Variants in GATAD2A observed in about 807,000 individuals in gnomAD.
GATAD2A encodes the protein GATA zinc finger domain containing 2A.
A neutral mutation model predicts 68.5 loss-of-function variants in GATAD2A; 12 were observed. That is an observed-to-expected ratio of 0.18 (90% confidence interval 0.11 to 0.28). GATAD2A has a LOEUF of 0.28. GATAD2A is among the 10% of genes least tolerant of loss of function. GATAD2A has a pLI of 1.00. For missense variants in GATAD2A, 755 were observed against 868.5 expected, an observed-to-expected ratio of 0.87 and a Z score of 1.64; for synonymous variants, 410 against 375.3, an observed-to-expected ratio of 1.09 and a Z score of -1.07.
intron 1 of GATAD2A, among the ~76,000 whole-genome samples, chr19:19,395,687 A>G (rs2049182513): frequency 6.6e-6 from 1 of 152,166 alleles, no homozygotes; most frequent in Non-Finnish European, 1.5e-5. Context: ...GGAGGTGTGT[A>G]TGGAACTTAA....
chr19:19,462,681 A>AGCTCT (rs1380430212), intron 1 of GATAD2A, among the ~76,000 whole-genome samples: 2 of 152,232 alleles, frequency 1.3e-5, no homozygotes, highest in Non-Finnish European at 2.9e-5. Flanking sequence ...TGGAGGGAGC[A>AGCTCT]GCTCTGCTGG....
At chr19:19,434,236 G>A (rs1390142425) in intron 1 of GATAD2A, among the ~76,000 whole-genome samples, 2 of 152,196 alleles carry the variant, frequency 1.3e-5, no homozygotes, top group Non-Finnish European at 2.9e-5. Context: ...TGATCCTGCA[G>A]CAGAACAGCA....
intron 1 of GATAD2A, 58 bp from the exon 2 acceptor site, chr19:19,465,282 G>C (rs2057780956): frequency 7.5e-7 from 1 of 1,327,082 alleles, no homozygotes; most frequent in African/African-American, 1.4e-5. Context: ...AAGTCTCCAA[G>C]AAGGTGGCAC....
chr19:19,456,010 C>G (rs543789640), intron 1 of GATAD2A, among the ~76,000 whole-genome samples: 1 of 151,734 alleles, frequency 6.6e-6, no homozygotes, highest in African/African-American at 2.4e-5. Context: ...CAAAATTAGC[C>G]GGGCATGGTG....
At chr19:19,490,307 G>A (rs2059704195) in intron 2 of GATAD2A, among the ~76,000 whole-genome samples, 3 of 152,242 alleles carry the variant, frequency 2.0e-5, no homozygotes, top group Admixed American at 2.0e-4. Flanking sequence ...CGAGTCCAGG[G>A]TAGCATTGGT....
At chr19:19,494,102 C>G (rs1010140022) in intron 4 of GATAD2A, among the ~76,000 whole-genome samples, 192 bp from the exon 5 acceptor site, 1 of 152,136 alleles carries the variant, frequency 6.6e-6, no homozygotes, top group Non-Finnish European at 1.5e-5. Context: ...TCTTCTAGGC[C>G]CATGTAGAAA....
Position 19,494,306 on chromosome 19 carries a change from G to A in GATAD2A, c.547G>A (p.Val183Ile). 6.2e-7 allele frequency: 1 copy of A among 1,608,482 alleles called. No individual in the cohort carries two copies. The highest frequency in any genetic ancestry group is 8.5e-7 in the Non-Finnish European group (1 of 1,175,134). Residue 183 changes from valine (V) to isoleucine (I), a missense_variant, in exon 5 of 12, where the codon GTT becomes ATT. By Grantham distance (29) the Val-to-Ile change is conservative (BLOSUM62 3). Coordinates refer to ENST00000683918, the MANE Select transcript of GATAD2A (RefSeq NM_001384528.1). ...EATAQKPTGS[V>I]GSTVTTPPPL... ...TGCTCTCTTGCAGCCCACAGGTTCT[G>A]TTGGGAGCACCGTGACCACCCCTCC...
At position 19,495,972 on chromosome 19, in the gene GATAD2A, C is replaced by T. The variant is rs903550369; in HGVS notation, c.757-80C>T. 95 of 1,579,160 alleles carry T rather than the reference C, an allele frequency of 6.0e-5. 1 individual carries two copies. Among genetic ancestry groups the T allele is most frequent in the Non-Finnish European group, 7.7e-5 (89 of 1,152,918 alleles). On this transcript the variant is annotated intron_variant, in intron 6 of 11. Transcript: ENST00000683918. ...TAGGGCCCTTCCCAGTCCTTGGGGGCAAGGTGCCCTGTGCCTTCCGGTCCC... is the reference window on the plus strand; with the variant it reads ...TAGGGCCCTTCCCAGTCCTTGGGGGTAAGGTGCCCTGTGCCTTCCGGTCCC...
intron 1 of GATAD2A, among the ~76,000 whole-genome samples, chr19:19,432,307 T>C (rs891035322): frequency 6.6e-6 from 1 of 151,906 alleles, no homozygotes; most frequent in African/African-American, 2.4e-5. Context: ...TTTGTTTTTG[T>C]TTTTGTTTTT....
At chr19:19,487,936 G>T (rs2059548687) in intron 2 of GATAD2A, among the ~76,000 whole-genome samples, 1 of 152,170 alleles carries the variant, frequency 6.6e-6, no homozygotes, top group African/African-American at 2.4e-5. Flanking sequence ...AGGTTCTAGT[G>T]GGAAATGGTT....
chr19:19,424,858 A>G (rs1020676250), intron 1 of GATAD2A, among the ~76,000 whole-genome samples: 1 of 151,968 alleles, frequency 6.6e-6, no homozygotes, highest in Non-Finnish European at 1.5e-5. Context: ...TTGTGCCTGT[A>G]ATCCCAGCAC....
intron 2 of GATAD2A, among the ~76,000 whole-genome samples, chr19:19,475,230 C>G (rs752647969): frequency 6.6e-6 from 1 of 152,248 alleles, no homozygotes; most frequent in African/African-American, 2.4e-5. Context: ...TGTGGCACAG[C>G]TGTCGACGTG....
intron 1 of GATAD2A, chr19:19,465,063 T>A (rs1326560591): frequency 1.9e-6 from 1 of 537,176 alleles, no homozygotes; most frequent in African/African-American, 1.9e-5. Context: ...TTCAGCACCC[T>A]GCTGCCTCTG....
chr19:19,493,521 A>G (rs1177579813), intron 4 of GATAD2A, among the ~76,000 whole-genome samples: 1 of 152,172 alleles, frequency 6.6e-6, no homozygotes, highest in Non-Finnish European at 1.5e-5. Context: ...CGCTGCTTCT[A>G]GATGCAGCTT....
rs2060869600 is a variant in GATAD2A at position 19,506,418 on chromosome 19, A to G, written c.*944A>G. 1 of 320,032 alleles carries G rather than the reference A, an allele frequency of 3.1e-6. No individual in the cohort carries two copies. Among genetic ancestry groups the G allele is most frequent in the East Asian group, 4.7e-5 (1 of 21,212 alleles). The allele number at this position is 320,032 out of a possible 1,614,324, so 19.8% of individuals were successfully genotyped here. ...TTTATTAAATTTTTTCCTTTTTTCT[A>G]TTCATTTCGATGGACGCAATCTTAA... On this transcript the variant is annotated 3_prime_UTR_variant, in exon 12 of 12. Coordinates refer to ENST00000683918, the MANE Select transcript of GATAD2A (RefSeq NM_001384528.1).
upstream of GATAD2A, among the ~76,000 whole-genome samples, chr19:19,403,197 GCAT>G (rs2049922814): frequency 6.6e-6 from 1 of 152,132 alleles, no homozygotes; most frequent in Non-Finnish European, 1.5e-5. Context: ...GAAGGTGATT[GCAT>G]CATATTTCAT....
At chr19:19,419,379 G>T (rs937800034) in intron 1 of GATAD2A, among the ~76,000 whole-genome samples, 1 of 152,160 alleles carries the variant, frequency 6.6e-6, no homozygotes, top group Admixed American at 6.5e-5. Flanking sequence ...TCCTGCCCAT[G>T]GAACTCTGAG....
chr19:19,463,605 G>A (rs1194318242), intron 1 of GATAD2A, among the ~76,000 whole-genome samples: 2 of 152,196 alleles, frequency 1.3e-5, no homozygotes, highest in Non-Finnish European at 2.9e-5. Flanking sequence ...AGAGGGGCTG[G>A]GGACAGGTGG....
upstream of GATAD2A, among the ~76,000 whole-genome samples, chr19:19,404,549 G>A (rs1171306328): frequency 6.6e-6 from 1 of 152,138 alleles, no homozygotes; most frequent in Non-Finnish European, 1.5e-5. Context: ...GGGTGTGATG[G>A]AACGCGCCTG....
Sources: allele counts gnomAD v4.1 joint callset (sites outside exome capture counted in the v4.1 genomes callset), GRCh38; gene constraint gnomAD v4.1.1; transcripts MANE v1.5; gene names NCBI Gene and HGNC (gene_info 2026-07-23, HGNC 2026-07-21).